The following FUT8 variants were observed in gnomAD, a reference collection of about 807,000 sequenced individuals.
FUT8 encodes alpha-(1,6)-fucosyltransferase.
Under a neutral mutation model 71.3 loss-of-function variants are expected in FUT8, and 29 were observed. The ratio of observed to expected loss-of-function variants is 0.41; its 90% CI spans 0.30 to 0.55. The LOEUF (loss-of-function observed/expected upper bound fraction) is 0.55, where lower values mean the gene tolerates loss of function less well. FUT8 is among the 20% of genes least tolerant of loss of function. The pLI is 0.34. For missense variants in FUT8, 544 were observed against 702.1 expected (o/e 0.77, Z 2.55); for synonymous variants, 254 against 239.3 (o/e 1.06, Z -0.57).
chr14:65,703,796 C>T (rs1288610058), intron 7 of FUT8, among the ~76,000 whole-genome samples: 2 of 152,202 alleles, frequency 1.3e-5, no homozygotes, highest in Non-Finnish European at 2.9e-5. Flanking sequence ...TTTGCTGCTC[C>T]AGTTCCTGTT....
At chr14:65,576,842 C>T (rs1437771168) in intron 3 of FUT8, among the ~76,000 whole-genome samples, 6 of 151,308 alleles carry the variant, frequency 4.0e-5, no homozygotes, top group Non-Finnish European at 7.4e-5. Flanking sequence ...TCCTCTGCCT[C>T]CTGAGTAGCT....
rs749822552 is a variant in FUT8, at chr14:65,616,136, T to C, written c.319+43T>C. ...GTTTTCCCCTCCTCAGTATATGGGCTTTAGCACAGATAATTGAAAGTTTCC... is the reference window on the plus strand; with the variant it reads ...GTTTTCCCCTCCTCAGTATATGGGCCTTAGCACAGATAATTGAAAGTTTCC... On this transcript the variant is annotated intron_variant, in intron 4 of 10. Coordinates refer to ENST00000673929, the MANE Select transcript of FUT8 (RefSeq NM_001371533.1). The C allele has an allele frequency of 2.5e-6, 4 of 1,596,534 alleles. No individual in the cohort carries two copies. The South Asian group carries it at 4.5e-5, about 18-fold the overall frequency.
At chr14:65,466,862 G>A (rs1443572967) in intron 2 of FUT8, among the ~76,000 whole-genome samples, 3 of 152,114 alleles carry the variant, frequency 2.0e-5, no homozygotes, top group Non-Finnish European at 2.9e-5. Context: ...ACCACTTCAT[G>A]GGTAGTGCAA....
At chr14:65,390,277 T>G in the FUT8 span, among the ~76,000 whole-genome samples, 1 of 149,630 alleles carries the variant, frequency 6.7e-6, no homozygotes, top group Non-Finnish European at 1.5e-5. Context: ...GAGCTGAGAT[T>G]GTGCCACTGC....
At chr14:65,551,061 A>T (rs1245212781) in intron 2 of FUT8, among the ~76,000 whole-genome samples, 2 of 152,196 alleles carry the variant, frequency 1.3e-5, no homozygotes, top group Non-Finnish European at 2.9e-5. Context: ...TGCATAGGGT[A>T]CACATATTTT....
intron 2 of FUT8, among the ~76,000 whole-genome samples, chr14:65,548,894 A>C (rs1885127187): frequency 2.6e-5 from 4 of 152,186 alleles, no homozygotes. Flanking sequence ...AAAACAAGCA[A>C]TCTAAAAAAT....
At chr14:65,426,610 A>T (rs933461841) in intron 1 of FUT8, among the ~76,000 whole-genome samples, 3 of 152,226 alleles carry the variant, frequency 2.0e-5, no homozygotes, top group African/African-American at 7.2e-5. Context: ...GTCCTTGATG[A>T]TAAAAATGTT....
At chr14:65,393,120 G>A in the FUT8 span, among the ~76,000 whole-genome samples, 1 of 152,184 alleles carries the variant, frequency 6.6e-6, no homozygotes, top group Non-Finnish European at 1.5e-5. Flanking sequence ...ATGCGACTAG[G>A]GGTGAGAACA....
In FUT8 at chr14:65,636,255, G is replaced by C. The variant is rs535716493; in HGVS notation, c.597+6649G>C. ...TCTTTTCTTGGCTAATCTTGCCAAT[G>C]ATCTATCAATTTTATTTATCTGTTC... On this transcript the variant is annotated intron_variant, in intron 6 of 10. Transcript: ENST00000673929. 9.9e-5 allele frequency among the ~76,000 whole-genome samples: 15 copies of C among 151,884 alleles called. No individual in the cohort carries two copies. The South Asian group carries it at 3.1e-3, about 32-fold the overall frequency.
At chr14:65,666,141 A>G (rs1206946260) in intron 6 of FUT8, among the ~76,000 whole-genome samples, 5 of 152,270 alleles carry the variant, frequency 3.3e-5, no homozygotes, top group African/African-American at 1.2e-4. Flanking sequence ...TTTTAAATGT[A>G]ACTGCTTAAT....
At chr14:65,505,981 G>A (rs749958823) in intron 2 of FUT8, among the ~76,000 whole-genome samples, 1 of 152,082 alleles carries the variant, frequency 6.6e-6, no homozygotes. Flanking sequence ...TACTAATTTT[G>A]TAATAGTCCA....
chr14:65,528,905 ATATTGGTTT>A (rs1237876538), intron 2 of FUT8: 1 of 152,730 alleles, frequency 6.5e-6, no homozygotes, highest in Non-Finnish European at 1.5e-5. Flanking sequence ...AGGACCAAGT[ATATTGGTTT>A]TATTGATTTT....
chr14:65,523,331 T>C (rs571776071), intron 2 of FUT8, among the ~76,000 whole-genome samples: 41 of 152,382 alleles, frequency 2.7e-4, no homozygotes, highest in African/African-American at 9.9e-4. Flanking sequence ...CCAGTGATGA[T>C]GAGCATTTTT....
intron 2 of FUT8, among the ~76,000 whole-genome samples, chr14:65,519,895 C>G (rs530678678): frequency 2.6e-5 from 4 of 152,320 alleles, no homozygotes; most frequent in African/African-American, 9.6e-5. Flanking sequence ...CCTCCCACTT[C>G]AGCCTTCCAA....
intron 6 of FUT8, among the ~76,000 whole-genome samples, chr14:65,630,567 C>G (rs1890132823): frequency 6.6e-6 from 1 of 152,012 alleles, no homozygotes. Context: ...TTTGAAGAGA[C>G]TAGAAGCAGG....
At chr14:65,452,645 A>G (rs541209776) in intron 1 of FUT8, among the ~76,000 whole-genome samples, 20 of 152,336 alleles carry the variant, frequency 1.3e-4, no homozygotes, top group South Asian at 6.2e-4. Flanking sequence ...CAATAATTCA[A>G]TTGACTACTG....
At chr14:65,634,350 A>C (rs1054405241) in intron 6 of FUT8, among the ~76,000 whole-genome samples, 21 of 152,118 alleles carry the variant, frequency 1.4e-4, no homozygotes, top group Non-Finnish European at 2.9e-4. Flanking sequence ...TTTGTTAAAC[A>C]GATGCTTGAA....
chr14:65,558,479 C>T (rs1223234682), intron 2 of FUT8, among the ~76,000 whole-genome samples: 1 of 152,140 alleles, frequency 6.6e-6, no homozygotes, highest in Non-Finnish European at 1.5e-5. Context: ...AGCATTCTCT[C>T]ACTTTCTGCA....
At chr14:65,547,983 A>G (rs1885069203) in intron 2 of FUT8, among the ~76,000 whole-genome samples, 1 of 151,966 alleles carries the variant, frequency 6.6e-6, no homozygotes, top group South Asian at 2.1e-4. Context: ...ATGTCTCCTT[A>G]GACTTCTCTA....
Sources: allele counts gnomAD v4.1 joint callset (sites outside exome capture counted in the v4.1 genomes callset), GRCh38; gene constraint gnomAD v4.1.1; transcripts MANE v1.5; gene names NCBI Gene and HGNC (gene_info 2026-07-23, HGNC 2026-07-21).